The following KIF16B variants were observed in gnomAD, a reference collection of about 807,000 sequenced individuals.
KIF16B encodes the protein kinesin-like protein KIF16B.
A neutral mutation model predicts 156.3 loss-of-function variants in KIF16B; 98 were observed. That is an observed-to-expected ratio of 0.63 (90% CI 0.53 to 0.74). The LOEUF (loss-of-function observed/expected upper bound fraction) is 0.74, where lower values mean the gene tolerates loss of function less well. Ranked by LOEUF, KIF16B falls within the 30% of genes least tolerant of loss-of-function variation. The pLI, the probability that KIF16B is intolerant of heterozygous loss-of-function variation, is 0.00. For missense variants in KIF16B, 1,421 were observed against 1,606.5 expected (o/e 0.88, Z 1.97); for synonymous variants, 564 against 583.7 (o/e 0.97, Z 0.49).
chr20:16,349,756 T>C (rs972836240), intron 23 of KIF16B, among the ~76,000 whole-genome samples: 30 of 152,186 alleles, frequency 2.0e-4, no homozygotes, highest in African/African-American at 7.0e-4. Flanking sequence ...CAAGATCCAA[T>C]TTGAACTGCT....
intron 12 of KIF16B, among the ~76,000 whole-genome samples, chr20:16,464,808 C>T (rs1368173847): frequency 6.6e-6 from 1 of 152,182 alleles, no homozygotes; most frequent in Non-Finnish European, 1.5e-5. Context: ...TTCATACTTG[C>T]ATCCCAACCG....
chr20:16,520,079 C>T (rs1350926699), intron 3 of KIF16B, among the ~76,000 whole-genome samples: 1 of 151,948 alleles, frequency 6.6e-6, no homozygotes, highest in Non-Finnish European at 1.5e-5. Context: ...GGGTTTCAAG[C>T]ACAAAACTGG....
At chr20:16,437,532 G>A (rs1419325324) in intron 12 of KIF16B, among the ~76,000 whole-genome samples, 1 of 152,194 alleles carries the variant, frequency 6.6e-6, no homozygotes, top group Non-Finnish European at 1.5e-5. Flanking sequence ...CACCCCTTGA[G>A]AGTCACGGGA....
At chr20:16,322,184 CAA>C (rs2063781760) in intron 24 of KIF16B, among the ~76,000 whole-genome samples, 2 of 151,706 alleles carry the variant, frequency 1.3e-5, no homozygotes, top group African/African-American at 4.8e-5. Context: ...CCTATGGAAC[CAA>C]AAAAGAGCCC....
intron 4 of KIF16B, among the ~76,000 whole-genome samples, chr20:16,514,981 G>A (rs2147078905): frequency 6.7e-6 from 1 of 150,030 alleles, no homozygotes; most frequent in East Asian, 1.9e-4. Context: ...ATAATTCCTA[G>A]TTTTTACTCC....
chr20:16,297,961 G>A (rs1229201673), intron 25 of KIF16B, among the ~76,000 whole-genome samples: 1 of 152,136 alleles, frequency 6.6e-6, no homozygotes, highest in African/African-American at 2.4e-5. Flanking sequence ...TCTCTCCACA[G>A]TGATAAAGCC....
intron 17 of KIF16B, among the ~76,000 whole-genome samples, chr20:16,386,345 T>C (rs546923626): frequency 6.6e-6 from 1 of 152,008 alleles, no homozygotes; most frequent in South Asian, 2.1e-4. Flanking sequence ...ATCAGTAGCA[T>C]GGAATAACCC....
At chr20:16,366,485 T>A (rs780032762) in intron 22 of KIF16B, among the ~76,000 whole-genome samples, 10 of 152,036 alleles carry the variant, frequency 6.6e-5, no homozygotes, top group Non-Finnish European at 1.5e-4. Context: ...TAGCCACAAA[T>A]ACACCAAGTG....
chr20:16,342,681 A>G (rs576011181), intron 23 of KIF16B, among the ~76,000 whole-genome samples: 30 of 152,320 alleles, frequency 2.0e-4, no homozygotes, highest in Non-Finnish European at 3.7e-4. Flanking sequence ...CACTCTTGAG[A>G]TTTTCACCTG....
chr20:16,298,856 G>T (rs1164732847), intron 25 of KIF16B, among the ~76,000 whole-genome samples: 1 of 151,774 alleles, frequency 6.6e-6, no homozygotes, highest in Non-Finnish European at 1.5e-5. Context: ...AGAACATGAG[G>T]AATTCAACAG....
intron 24 of KIF16B, among the ~76,000 whole-genome samples, chr20:16,318,451 G>A (rs2063728979): frequency 6.6e-6 from 1 of 152,154 alleles, no homozygotes; most frequent in African/African-American, 2.4e-5. Flanking sequence ...TTGGAGAAAC[G>A]GCTGATTCCA....
chr20:16,553,493 G>A (rs111894128), intron 1 of KIF16B, among the ~76,000 whole-genome samples: 2 of 152,316 alleles, frequency 1.3e-5, no homozygotes, highest in South Asian at 4.1e-4. Flanking sequence ...GAGCCCAATG[G>A]AGAGACAGAC....
At chr20:16,512,727 G>C in intron 5 of KIF16B, 99 bp downstream of exon 5, 1 of 706,690 alleles carries the variant, frequency 1.4e-6, no homozygotes, top group Non-Finnish European at 2.4e-6. Flanking sequence ...TTTTCTTTAG[G>C]AATCTAAAGA....
intron 1 of KIF16B, among the ~76,000 whole-genome samples, chr20:16,550,151 GA>G (rs1159505210): frequency 8.2e-6 from 1 of 121,492 alleles, no homozygotes; most frequent in East Asian, 2.3e-4. Flanking sequence ...AAATTTACAA[GA>G]AAAAAACAAA....
chr20:16,528,085 C>T (rs1399455552), intron 2 of KIF16B, among the ~76,000 whole-genome samples: 2 of 152,252 alleles, frequency 1.3e-5, no homozygotes, highest in East Asian at 3.9e-4. Context: ...ACTACGAGGA[C>T]ACAGGATGAA....
intron 25 of KIF16B, among the ~76,000 whole-genome samples, chr20:16,298,559 A>T (rs2063424933): frequency 6.6e-6 from 1 of 152,168 alleles, no homozygotes; most frequent in African/African-American, 2.4e-5. Flanking sequence ...ATCAGTGGTG[A>T]TATCCCCTAT....
intron 15 of KIF16B, among the ~76,000 whole-genome samples, chr20:16,414,885 T>C (rs77124569): frequency 0.038 from 5,833 of 152,208 alleles, 375 homozygotes; most frequent in African/African-American, 0.13. Flanking sequence ...TTCAGTACAG[T>C]ATTCAACAAA....
chr20:16,344,107 C>T (rs1344420172), intron 23 of KIF16B, among the ~76,000 whole-genome samples: 4 of 152,156 alleles, frequency 2.6e-5, no homozygotes, highest in Non-Finnish European at 5.9e-5. Flanking sequence ...TTAACTAATT[C>T]TACTGAAAGT....
At chr20:16,304,112 C>T (rs960796649) in intron 25 of KIF16B, among the ~76,000 whole-genome samples, 24 of 152,176 alleles carry the variant, frequency 1.6e-4, no homozygotes, top group African/African-American at 5.8e-4. Context: ...CAGAGTACAA[C>T]TGTTTGATGA....
Sources: gnomAD v4.1 joint callset for allele counts (sites outside exome capture counted in the v4.1 genomes callset) on GRCh38, gnomAD v4.1.1 for gene constraint, MANE v1.5 for transcripts, NCBI Gene and HGNC (gene_info 2026-07-23, HGNC 2026-07-21) for gene names.